The following ITPR2 variants were observed in gnomAD, a reference collection of about 807,000 sequenced individuals.
ITPR2 encodes inositol 1,4,5-trisphosphate receptor type 2.
Under a neutral mutation model 317.1 loss-of-function variants are expected in ITPR2, and 207 were observed. That is an observed-to-expected ratio of 0.65 (90% CI 0.58 to 0.73). The LOEUF (loss-of-function observed/expected upper bound fraction) is 0.73, where lower values mean the gene tolerates loss of function less well. ITPR2 is among the 30% of genes least tolerant of loss of function. The pLI is 0.00. For missense variants in ITPR2, 2,613 were observed against 3,284.0 expected (o/e 0.80, Z 4.99); for synonymous variants, 1,156 against 1,149.1 (o/e 1.01, Z -0.12).
intron 26 of ITPR2, among the ~76,000 whole-genome samples, chr12:26,610,840 C>T (rs996463448): frequency 6.6e-6 from 1 of 152,154 alleles, no homozygotes; most frequent in Admixed American, 6.5e-5. Context: ...GTCACAGCAT[C>T]GCTCAGCATG....
intron 51 of ITPR2, among the ~76,000 whole-genome samples, chr12:26,415,096 TGTAA>T (rs1165267220): frequency 2.0e-5 from 3 of 152,118 alleles, no homozygotes; most frequent in East Asian, 1.9e-4. Context: ...GTGTTTCTCA[TGTAA>T]GTATTTCCCT....
chr12:26,653,031 A>T lies in ITPR2; in HGVS notation c.2740+945T>A, dbSNP rs555142598. The stretch of plus-strand genomic sequence containing the variant: ...CTTGCAAGGAAACTGTGAGAAGGAT[A>T]TTGTTATTACCATCTTCATATCTCA... On this transcript the variant is annotated intron_variant, in intron 21 of 56. Coordinates refer to ENST00000381340, the MANE Select transcript of ITPR2 (RefSeq NM_002223.4). 2.0e-5 allele frequency among the ~76,000 whole-genome samples: 3 copies of T among 152,332 alleles called. 1 individual carries two copies. The South Asian group carries it at 6.2e-4, about 32-fold the overall frequency.
intron 23 of ITPR2, among the ~76,000 whole-genome samples, chr12:26,625,279 G>A (rs914381033): frequency 1.3e-5 from 2 of 151,956 alleles, no homozygotes; most frequent in African/African-American, 4.8e-5. Context: ...TATACAGAGT[G>A]ACTATAGTCA....
rs143800402 is a variant in ITPR2, at chr12:26,336,380, C to A, written c.*3017G>T. The A allele has an allele frequency of 1.3e-5, 2 of 152,222 alleles. No homozygotes were observed. The highest frequency in any genetic ancestry group is 4.8e-5 in the African/African-American group (2 of 41,556). 9.4% of individuals were successfully genotyped at this position (152,222 alleles called of 1,614,324 possible). A position where few individuals can be genotyped will look rare whatever the true frequency, so the allele number is the denominator to read the frequency against. On this transcript the variant is annotated 3_prime_UTR_variant, in exon 57 of 57. Transcript: ENST00000381340. ...GGAATAAGCACACAATTAGTTCTGACGAAAGAAATATCTTCCTGATGTTAT... is the reference window on the plus strand; with the variant it reads ...GGAATAAGCACACAATTAGTTCTGAAGAAAGAAATATCTTCCTGATGTTAT...
At chr12:26,486,027 T>C in intron 41 of ITPR2, 77 bp downstream of exon 41, 1 of 1,507,014 alleles carries the variant, frequency 6.6e-7, no homozygotes, top group Non-Finnish European at 9.2e-7. Context: ...CCGAAACTAC[T>C]TGTTGGTTTT....
chr12:26,538,376 G>C (rs1205066135), intron 37 of ITPR2, among the ~76,000 whole-genome samples: 1 of 151,940 alleles, frequency 6.6e-6, no homozygotes, highest in African/African-American at 2.4e-5. Context: ...TAACCTTCAG[G>C]TTGCTAGAAC....
At chr12:26,678,314 C>T (rs1243144547) in intron 13 of ITPR2, among the ~76,000 whole-genome samples, 1 of 151,982 alleles carries the variant, frequency 6.6e-6, no homozygotes, top group Non-Finnish European at 1.5e-5. Flanking sequence ...TTAGAAAATT[C>T]CATTGAAAAA....
chr12:26,489,115 A>T (rs75844820), intron 39 of ITPR2, among the ~76,000 whole-genome samples: 5,892 of 152,282 alleles, frequency 0.039, 123 homozygotes, highest in Middle Eastern at 0.11. Flanking sequence ...ACACGATTTT[A>T]AAAAGGAAAA....
At position 26,811,348 on chromosome 12, in the gene ITPR2, T is replaced by C. The variant is rs1022942476; in HGVS notation, c.93-21121A>G. Among the ~76,000 whole-genome samples, 5 of 152,250 alleles carry C rather than the reference T, an allele frequency of 3.3e-5. 1 individual carries two copies. In the South Asian group the frequency reaches 1.0e-3, roughly 32 times the overall value. ...TAGAAACCTAGGGCCTGGTGGCTCA[T>C]GCCTGTAATCCCAGCACTTTGGGAG... On this transcript the variant is annotated intron_variant, in intron 1 of 56. Transcript: ENST00000381340.
At chr12:26,531,683 A>AC (rs398018959) in intron 37 of ITPR2, among the ~76,000 whole-genome samples, 14,974 of 136,214 alleles carry the variant, frequency 0.11, 843 homozygotes, top group Non-Finnish European at 0.14. Flanking sequence ...ACACACACAC[A>AC]AGTGTGTATC....
intron 26 of ITPR2, among the ~76,000 whole-genome samples, chr12:26,611,806 G>C (rs377715759): frequency 5.6e-4 from 86 of 152,232 alleles, no homozygotes; most frequent in African/African-American, 1.9e-3. Context: ...ACTCGGATAC[G>C]GTTTCCTGAG....
intron 37 of ITPR2, among the ~76,000 whole-genome samples, chr12:26,505,876 G>A (rs1380620475): frequency 6.6e-6 from 1 of 152,024 alleles, no homozygotes; most frequent in Non-Finnish European, 1.5e-5. Context: ...GATATTTGTT[G>A]TATATCATGT....
chr12:26,728,079 G>A (rs1004857834), intron 2 of ITPR2, among the ~76,000 whole-genome samples: 1 of 152,136 alleles, frequency 6.6e-6, no homozygotes, highest in Non-Finnish European at 1.5e-5. Flanking sequence ...CTAGGCTAAG[G>A]AGGATGGACT....
At chr12:26,577,352 G>A (rs1346239804) in intron 34 of ITPR2, among the ~76,000 whole-genome samples, 1 of 152,326 alleles carries the variant, frequency 6.6e-6, no homozygotes, top group East Asian at 1.9e-4. Context: ...ATGGTTCCAG[G>A]TGTGGAAACA....
intron 55 of ITPR2, among the ~76,000 whole-genome samples, chr12:26,345,455 C>T (rs138290833): frequency 4.9e-4 from 74 of 152,116 alleles, no homozygotes; most frequent in African/African-American, 1.4e-3. Flanking sequence ...TAACTAATAA[C>T]AAAATAGTAC....
intron 1 of ITPR2, among the ~76,000 whole-genome samples, chr12:26,811,250 T>C (rs1950738881): frequency 6.6e-6 from 1 of 152,330 alleles, no homozygotes; most frequent in Non-Finnish European, 1.5e-5. Flanking sequence ...TACCCGGATA[T>C]GAAACTAATT....
intron 34 of ITPR2, among the ~76,000 whole-genome samples, chr12:26,574,484 T>C (rs1163252117): frequency 6.6e-6 from 1 of 152,166 alleles, no homozygotes; most frequent in East Asian, 1.9e-4. Flanking sequence ...TCATCCTAGG[T>C]AACAACTTTC....
chr12:26,518,946 C>T (rs867865674), intron 37 of ITPR2, among the ~76,000 whole-genome samples: 16 of 151,906 alleles, frequency 1.1e-4, no homozygotes, highest in South Asian at 4.2e-4. Context: ...CTGCATAAAA[C>T]GAATAAATTT....
chr12:26,387,714 A>G, intron 54 of ITPR2, 120 bp from the exon 55 acceptor site: 5 of 847,832 alleles, frequency 5.9e-6, no homozygotes, highest in Non-Finnish European at 9.0e-6. Context: ...GAGTGTGCCA[A>G]TTTAAAATGC....
Sources: gnomAD v4.1 joint callset for allele counts (sites outside exome capture counted in the v4.1 genomes callset) on GRCh38, gnomAD v4.1.1 for gene constraint, MANE v1.5 for transcripts, NCBI Gene and HGNC (gene_info 2026-07-23, HGNC 2026-07-21) for gene names.